The following SLC39A11 variants were observed in gnomAD, a reference collection of about 807,000 sequenced individuals.
SLC39A11 encodes solute carrier family 39 member 11.
A neutral mutation model predicts 36.1 loss-of-function variants in SLC39A11; 33 were observed. That is an observed-to-expected ratio of 0.91 (90% CI 0.69 to 1.22). The LOEUF is 1.22. SLC39A11 is among the 50% of genes most tolerant of loss of function. The probability of loss-of-function intolerance (pLI) is 0.00; values close to 1 mark genes in which losing one functional copy is unlikely to be tolerated. For missense variants in SLC39A11, 432 were observed against 430.3 expected (o/e 1.00, Z -0.03); for synonymous variants, 166 against 170.3 (o/e 0.97, Z 0.20).
chr17:72,777,106 C>T (rs757059965), intron 6 of SLC39A11, among the ~76,000 whole-genome samples: 1 of 152,102 alleles, frequency 6.6e-6, no homozygotes, highest in Non-Finnish European at 1.5e-5. Context: ...CCTGAATAAA[C>T]GTATTCACAC....
intron 3 of SLC39A11, among the ~76,000 whole-genome samples, chr17:73,038,717 GAGAA>G (rs918343173): frequency 6.6e-5 from 9 of 137,038 alleles, no homozygotes; most frequent in Non-Finnish European, 1.3e-4. Context: ...AAAAGAAAAA[GAGAA>G]AGAGAGAGAG....
At chr17:72,776,822 CT>C (rs1426543734) in intron 6 of SLC39A11, among the ~76,000 whole-genome samples, 1 of 152,170 alleles carries the variant, frequency 6.6e-6, no homozygotes, top group Non-Finnish European at 1.5e-5. Context: ...CTGAAGTCAC[CT>C]GCCAAAAGTA....
chr17:72,860,459 T>C (rs2079919899), intron 5 of SLC39A11, among the ~76,000 whole-genome samples: 1 of 152,248 alleles, frequency 6.6e-6, no homozygotes, highest in South Asian at 2.1e-4. Context: ...GCACAGTTTA[T>C]GAGTCTGTCA....
chr17:72,736,242 C>G (rs1213763365), intron 7 of SLC39A11, among the ~76,000 whole-genome samples: 2 of 152,040 alleles, frequency 1.3e-5, no homozygotes, highest in African/African-American at 4.8e-5. Context: ...AAGGGCCTTT[C>G]CAGGAGCAGG....
rs1057333969 is a variant in SLC39A11, at chr17:72,846,325, T to G, written c.601+3309A>C. Among the ~76,000 whole-genome samples the G allele has an allele frequency of 3.9e-5, 6 of 152,206 alleles. 1 individual carries two copies. Among genetic ancestry groups the G allele is most frequent in the Non-Finnish European group, 8.8e-5 (6 of 68,030 alleles). On this transcript the variant is annotated intron_variant, in intron 6 of 9. Transcript: ENST00000255559. Reference sequence around the variant, plus strand: ...GATTACAGGCATGAGCCACTGCACCTGGCCTCAATCCTTATTTGAAAAAAT... The same window carrying G: ...GATTACAGGCATGAGCCACTGCACCGGGCCTCAATCCTTATTTGAAAAAAT...
chr17:72,785,566 G>A (rs182994578), intron 6 of SLC39A11, among the ~76,000 whole-genome samples: 259 of 152,312 alleles, frequency 1.7e-3, no homozygotes, highest in Middle Eastern at 0.01. Context: ...AGGGCGGAGA[G>A]TGGAGATGCT....
intron 7 of SLC39A11, among the ~76,000 whole-genome samples, chr17:72,662,633 A>AAGAGAGAAAG (rs769274883): frequency 6.7e-6 from 1 of 148,982 alleles, no homozygotes. Flanking sequence ...AAAGAGAAGA[A>AAGAGAGAAAG]AGAGAGAAAG....
intron 6 of SLC39A11, among the ~76,000 whole-genome samples, chr17:72,789,837 T>C (rs1267552049): frequency 6.6e-6 from 1 of 152,222 alleles, no homozygotes; most frequent in African/African-American, 2.4e-5. Context: ...CGTATGGGTG[T>C]CCTGCCATCT....
chr17:72,935,444 T>C (rs1400617444), intron 5 of SLC39A11, among the ~76,000 whole-genome samples: 2 of 152,148 alleles, frequency 1.3e-5, no homozygotes, highest in Non-Finnish European at 2.9e-5. Context: ...GGGGAGGTGA[T>C]GGAACTCTCC....
intron 6 of SLC39A11, among the ~76,000 whole-genome samples, chr17:72,836,365 G>T (rs2078545116): frequency 6.7e-6 from 1 of 148,888 alleles, no homozygotes; most frequent in Admixed American, 6.7e-5. Context: ...TTTTGAGACA[G>T]GGTCTCGCTC....
At chr17:72,858,028 T>C (rs1040354812) in intron 5 of SLC39A11, among the ~76,000 whole-genome samples, 8 of 152,226 alleles carry the variant, frequency 5.3e-5, no homozygotes, top group Non-Finnish European at 1.2e-4. Flanking sequence ...GCTTTTGGGA[T>C]CTTTACCATG....
chr17:72,818,286 C>T (rs1480829825), intron 6 of SLC39A11, among the ~76,000 whole-genome samples: 1 of 152,188 alleles, frequency 6.6e-6, no homozygotes, highest in African/African-American at 2.4e-5. Context: ...GTTTCCAGTC[C>T]AGCCTGCTGA....
At chr17:72,733,525 C>A (rs1002922603) in intron 7 of SLC39A11, among the ~76,000 whole-genome samples, 2 of 152,150 alleles carry the variant, frequency 1.3e-5, no homozygotes, top group Non-Finnish European at 1.5e-5. Context: ...GGAGGCTGGA[C>A]TGGCTGAGTC....
chr17:73,060,226 A>G (rs1355547692), intron 3 of SLC39A11, among the ~76,000 whole-genome samples: 7 of 146,834 alleles, frequency 4.8e-5, no homozygotes, highest in Non-Finnish European at 9.1e-5. Flanking sequence ...AAAAAAAAAA[A>G]AAAAGAAAGA....
At chr17:72,903,948 G>A (rs1490914926) in intron 5 of SLC39A11, among the ~76,000 whole-genome samples, 1 of 152,134 alleles carries the variant, frequency 6.6e-6, no homozygotes, top group South Asian at 2.1e-4. Context: ...GCACCCTCCT[G>A]CTAAAACTCT....
intron 7 of SLC39A11, among the ~76,000 whole-genome samples, chr17:72,655,780 C>A (rs567744092): frequency 6.6e-6 from 1 of 152,160 alleles, no homozygotes; most frequent in African/African-American, 2.4e-5. Flanking sequence ...AGGTGGTATT[C>A]GGGGATATGG....
intron 5 of SLC39A11, among the ~76,000 whole-genome samples, chr17:72,939,501 T>G (rs1438516129): frequency 6.6e-6 from 1 of 151,908 alleles, no homozygotes; most frequent in African/African-American, 2.4e-5. Context: ...ATTGGGTCTT[T>G]GCAGATGTAA....
intron 4 of SLC39A11, among the ~76,000 whole-genome samples, chr17:72,979,732 A>G (rs2088155087): frequency 6.6e-6 from 1 of 152,168 alleles, no homozygotes. Flanking sequence ...ACAGGACCCC[A>G]AAACAAATCT....
chr17:72,876,353 G>T, intron 5 of SLC39A11, among the ~76,000 whole-genome samples: 1 of 152,204 alleles, frequency 6.6e-6, no homozygotes, highest in East Asian at 1.9e-4. Context: ...AAGAAGCCAA[G>T]GAAGCATGTT....
Sources: allele counts gnomAD v4.1 joint callset (sites outside exome capture counted in the v4.1 genomes callset), GRCh38; gene constraint gnomAD v4.1.1; transcripts MANE v1.5; gene names NCBI Gene and HGNC (gene_info 2026-07-23, HGNC 2026-07-21).